The following NBAS variants were observed in gnomAD, a reference collection of about 807,000 sequenced individuals.
The protein encoded by NBAS is NAG/BC035112 fusion.
In NBAS, 219 loss-of-function variants were observed where a neutral mutation model predicts 302.5. That is an observed-to-expected ratio of 0.72 (90% CI 0.65 to 0.81). NBAS has a LOEUF of 0.81. Ranked by LOEUF, NBAS falls within the 30% of genes least tolerant of loss-of-function variation. NBAS has a pLI of 0.00. For missense variants in NBAS, 2,932 were observed against 2,841.6 expected, an observed-to-expected ratio of 1.03 and a Z score of -0.72; for synonymous variants, 1,118 against 1,021.6, an observed-to-expected ratio of 1.09 and a Z score of -1.80.
At chr2:15,369,392 G>T (rs895879058) in intron 31 of NBAS, among the ~76,000 whole-genome samples, 1 of 152,142 alleles carries the variant, frequency 6.6e-6, no homozygotes, top group Non-Finnish European at 1.5e-5. Flanking sequence ...ACTCAAGTTT[G>T]ATTATTTGTC....
chr2:15,274,123 A>C (rs1334005681), intron 44 of NBAS, among the ~76,000 whole-genome samples: 1 of 152,140 alleles, frequency 6.6e-6, no homozygotes, highest in Non-Finnish European at 1.5e-5. Context: ...AAAACAAAAA[A>C]CATGATTACT....
chr2:15,102,954 G>A, the NBAS span, among the ~76,000 whole-genome samples: 1 of 138,416 alleles, frequency 7.2e-6, no homozygotes, highest in African/African-American at 2.7e-5. Flanking sequence ...AGATTTTGGA[G>A]GGCTACATGG....
At chr2:15,454,750 A>G (rs1346208140) in intron 21 of NBAS, among the ~76,000 whole-genome samples, 1 of 151,450 alleles carries the variant, frequency 6.6e-6, no homozygotes, top group Non-Finnish European at 1.5e-5. Flanking sequence ...ATTTCTGATC[A>G]CCCTCCTTTC....
At chr2:15,123,792 C>T in the NBAS span, among the ~76,000 whole-genome samples, 1 of 152,116 alleles carries the variant, frequency 6.6e-6, no homozygotes, top group Non-Finnish European at 1.5e-5. Flanking sequence ...GCCAATTTAA[C>T]CTCCTTTATT....
At chr2:15,434,228 TAAAC>T (rs1677900788) in intron 21 of NBAS, among the ~76,000 whole-genome samples, 1 of 151,890 alleles carries the variant, frequency 6.6e-6, no homozygotes, top group African/African-American at 2.4e-5. Flanking sequence ...ACAAGAGAGA[TAAAC>T]AAAACAAGAG....
Position 15,327,881 on chromosome 2 carries a change from G to T in NBAS, c.4462-11C>A, listed in dbSNP as rs767194990. ...ATAGGTCCCTTCAGACTACACAAAA[G>T]AAGCAGTTTCACTATCTAGTAGGGT... On this transcript the variant is annotated splice_polypyrimidine_tract_variant and intron_variant, in intron 37 of 51. Transcript: ENST00000281513. 1.2e-6 allele frequency: 2 copies of T among 1,613,312 alleles called. No individual in the cohort carries two copies. The highest frequency in any genetic ancestry group is 2.7e-5 in the African/African-American group (2 of 74,864).
intron 38 of NBAS, among the ~76,000 whole-genome samples, chr2:15,315,627 C>T (rs1237609267): frequency 6.6e-6 from 1 of 152,214 alleles, no homozygotes; most frequent in Non-Finnish European, 1.5e-5. Context: ...CTCCCAGCTG[C>T]TTCAAGACTG....
chr2:14,960,400 T>C, the NBAS span, among the ~76,000 whole-genome samples: 1 of 152,246 alleles, frequency 6.6e-6, no homozygotes, highest in Non-Finnish European at 1.5e-5. Context: ...AAATGTTCAT[T>C]GGATGAATAA....
At chr2:15,243,373 T>A (rs1372862977) in intron 44 of NBAS, among the ~76,000 whole-genome samples, 1 of 152,126 alleles carries the variant, frequency 6.6e-6, no homozygotes, top group African/African-American at 2.4e-5. Flanking sequence ...GGGGCCCAGA[T>A]GGTGCCAATA....
chr2:15,272,095 A>G (rs16862475), intron 44 of NBAS, among the ~76,000 whole-genome samples: 4,298 of 152,296 alleles, frequency 0.028, 168 homozygotes, highest in African/African-American at 0.092. Flanking sequence ...GTAAATGGCA[A>G]TGGAATGACT....
chr2:15,064,627 T>G, the NBAS span, among the ~76,000 whole-genome samples: 2 of 152,168 alleles, frequency 1.3e-5, no homozygotes, highest in African/African-American at 2.4e-5. Flanking sequence ...CACTTAGGAA[T>G]TCTACCAAAT....
intron 47 of NBAS, among the ~76,000 whole-genome samples, chr2:15,231,991 A>G (rs567339388): frequency 1.3e-5 from 2 of 152,304 alleles, no homozygotes; most frequent in South Asian, 2.1e-4. Flanking sequence ...AAGCCTGTAC[A>G]CTTTGAGTCC....
At chr2:15,291,108 T>G (rs778797538) in intron 41 of NBAS, among the ~76,000 whole-genome samples, 3 of 152,246 alleles carry the variant, frequency 2.0e-5, no homozygotes, top group African/African-American at 7.2e-5. Flanking sequence ...TTACCTTAGT[T>G]TCAAAGGCTG....
At chr2:15,150,157 C>T in the NBAS span, among the ~76,000 whole-genome samples, 14 of 151,638 alleles carry the variant, frequency 9.2e-5, no homozygotes, top group East Asian at 2.7e-3. Context: ...ATAAGTAATC[C>T]TAAACTTCCT....
chr2:15,105,307 AGAT>A, the NBAS span, among the ~76,000 whole-genome samples: 1 of 152,148 alleles, frequency 6.6e-6, no homozygotes, highest in Non-Finnish European at 1.5e-5. Context: ...TACCTAATGT[AGAT>A]GACAGGTTGA....
chr2:15,533,863 A>G (rs1299278557), intron 9 of NBAS, among the ~76,000 whole-genome samples: 3 of 151,876 alleles, frequency 2.0e-5, no homozygotes, highest in Non-Finnish European at 4.4e-5. Flanking sequence ...GGACTTGTCA[A>G]TAAACACAGA....
intron 42 of NBAS, among the ~76,000 whole-genome samples, chr2:15,283,179 G>A (rs1334866807): frequency 6.6e-6 from 1 of 152,180 alleles, no homozygotes; most frequent in African/African-American, 2.4e-5. Context: ...ATGAATAAAT[G>A]TGGTACTATT....
the NBAS span, among the ~76,000 whole-genome samples, chr2:15,138,014 C>G: frequency 1.3e-5 from 2 of 152,150 alleles, no homozygotes; most frequent in African/African-American, 4.8e-5. Flanking sequence ...GCACCACCAA[C>G]AGCACTCCCC....
the NBAS span, among the ~76,000 whole-genome samples, chr2:14,839,402 C>A: frequency 2.0e-5 from 3 of 152,006 alleles, no homozygotes; most frequent in Non-Finnish European, 1.5e-5. Context: ...CCTCAACTCA[C>A]AGGAAGAATC....
Sources: allele counts gnomAD v4.1 joint callset (sites outside exome capture counted in the v4.1 genomes callset), GRCh38; gene constraint gnomAD v4.1.1; transcripts MANE v1.5; gene names NCBI Gene and HGNC (gene_info 2026-07-23, HGNC 2026-07-21).